The following ASIC3 variants were observed in gnomAD, a reference collection of about 807,000 sequenced individuals.
ASIC3 encodes acid-sensing ion channel 3.
Under a neutral mutation model 58.6 loss-of-function variants are expected in ASIC3, and 46 were observed. The observed-to-expected ratio is 0.79, with a 90% CI of 0.62 to 1.00. ASIC3 has a LOEUF of 1.00. Ranked by LOEUF, ASIC3 falls within the 50% of genes least tolerant of loss-of-function variation. The pLI, the probability that ASIC3 is intolerant of heterozygous loss-of-function variation, is 0.00. For missense variants in ASIC3, 770 were observed against 735.0 expected (o/e 1.05, Z -0.55); for synonymous variants, 336 against 300.2 (o/e 1.12, Z -1.23).
Position 151,049,158 on chromosome 7 carries a change from G to T in ASIC3, c.273G>T (p.Leu91=). The change falls in exon 1 of 11, where the codon CTG becomes CTT. Residue 91 remains leucine (L), a synonymous_variant. Transcript: ENST00000349064. ...SHRLIFPAVT[L]CNINPLRRSR... ...GGCTCATCTTCCCGGCTGTCACCCT[G>T]TGCAACATCAACCCACTGCGCCGCT... is the stretch of plus-strand genomic sequence containing the variant. 1 of 1,613,848 alleles carries T rather than the reference G, an allele frequency of 6.2e-7. No individual in the cohort carries two copies.
Position 151,050,915 on chromosome 7 carries a change from T to C in ASIC3, c.971T>C (p.Val324Ala). The change falls in exon 4 of 11, where the codon GTG (valine) becomes GCG (alanine). Residue 324 changes from valine to alanine, a missense_variant. Val to Ala is a moderately conservative substitution (Grantham distance 64). Transcript: ENST00000349064. The part of the protein sequence containing the change: ...GCRLACETRY[V>A]ARKCGCRMVY... Reference sequence around the variant, plus strand: ...CGCCTGGCCTGCGAAACCCGCTACGTGGCTCGGAAGTGCGGCTGCCGAATG... The same window carrying C: ...CGCCTGGCCTGCGAAACCCGCTACGCGGCTCGGAAGTGCGGCTGCCGAATG... 6.2e-7 allele frequency: 1 copy of C among 1,613,484 alleles called. No individual in the cohort carries two copies. Among genetic ancestry groups the C allele is most frequent in the Non-Finnish European group, 8.5e-7 (1 of 1,180,000 alleles).
intron 6 of ASIC3, 93 bp from the exon 7 acceptor site, chr7:151,051,717 C>A: frequency 7.4e-7 from 1 of 1,348,212 alleles, no homozygotes; most frequent in Non-Finnish European, 1.0e-6. Flanking sequence ...TCCCAGGGTT[C>A]TTGAAAGGAG....
At chr7:151,051,958 T>C (rs1796793251) in intron 7 of ASIC3, 25 bp from the exon 8 acceptor site, 1 of 1,611,914 alleles carries the variant, frequency 6.2e-7, no homozygotes, top group Non-Finnish European at 8.5e-7. Context: ...TGGCTGTAAG[T>C]TGAAGGGTGA....
At chr7:151,050,982 C>T (rs924044969) in intron 4 of ASIC3, 29 bp downstream of exon 4, 12 of 1,613,116 alleles carry the variant, frequency 7.4e-6, no homozygotes, top group Non-Finnish European at 9.3e-6. Context: ...CGTCCCATGG[C>T]GGGCAGGGCC....
In ASIC3 at chr7:151,049,082, A is replaced by G. The variant is rs1423047995; in HGVS notation, c.197A>G (p.Tyr66Cys). The change falls in exon 1 of 11, where the codon TAC becomes TGC. Residue 66 changes from tyrosine to cysteine, a missense_variant. Tyr to Cys is a radical substitution (Grantham distance 194). Coordinates refer to ENST00000349064, the MANE Select transcript of ASIC3 (RefSeq NM_004769.4). ...TACCAGGTGGCTGAGAGGGTGCGCT[A>G]CTACAGGGAGTTCCACCACCAGACT... Reference protein sequence around the residue: ...FLYQVAERVRYYREFHHQTAL... With the variant: ...FLYQVAERVRCYREFHHQTAL... 1.9e-6 allele frequency: 3 copies of G among 1,613,862 alleles called. No individual in the cohort carries two copies. Among genetic ancestry groups the G allele is most frequent in the South Asian group, 1.1e-5 (1 of 91,088 alleles).
At position 151,052,283 on chromosome 7, in the gene ASIC3, G is replaced by T. The variant is rs1228279193; in HGVS notation, c.1458+46G>T. ...GCCCTTGCCTGCTCCAAGGGTGCTAGGGCCCACCCCTGAAGCCTAGACCAC... is the reference window on the plus strand; with the variant it reads ...GCCCTTGCCTGCTCCAAGGGTGCTATGGCCCACCCCTGAAGCCTAGACCAC... On this transcript the variant is annotated intron_variant, in intron 9 of 10. Coordinates refer to ENST00000349064, the MANE Select transcript of ASIC3 (RefSeq NM_004769.4). This position sits in a 1 kb window ranked among gnomAD's most constrained non-coding sequence, Gnocchi z 5.0. The T allele has an allele frequency of 8.7e-6, 14 of 1,613,500 alleles. No homozygotes were observed. The Admixed American group carries it at 2.3e-4, about 27-fold the overall frequency.
In ASIC3 at chr7:151,049,081, T is replaced by C; in HGVS notation, c.196T>C (p.Tyr66His). 1 of 1,613,858 alleles carries C rather than the reference T, an allele frequency of 6.2e-7. No homozygotes were observed. The highest frequency in any genetic ancestry group is 8.5e-7 in the Non-Finnish European group (1 of 1,179,916). ...CTACCAGGTGGCTGAGAGGGTGCGC[T>C]ACTACAGGGAGTTCCACCACCAGAC... ...FLYQVAERVR[Y>H]YREFHHQTAL... The change falls in exon 1 of 11, where the codon TAC becomes CAC. Residue 66 changes from tyrosine to histidine, a missense_variant. Physicochemically the swap from Tyr to His is moderately conservative, Grantham distance 83. Coordinates refer to ENST00000349064, the MANE Select transcript of ASIC3 (RefSeq NM_004769.4).
rs762486363 is a variant in ASIC3 at position 151,050,272 on chromosome 7, A to G, written c.685+16A>G. 2.4e-5 allele frequency: 39 copies of G among 1,606,650 alleles called. No homozygotes were observed. The highest frequency in any genetic ancestry group is 3.3e-5 in the Admixed American group (2 of 59,854). On this transcript the variant is annotated intron_variant, in intron 2 of 10. Transcript: ENST00000349064. Reference sequence around the variant, plus strand: ...AGGGACAATGGTAGGGAGCACACAAATGAGGCTGGGGGAGGGCACGGATGG... The same window carrying G: ...AGGGACAATGGTAGGGAGCACACAAGTGAGGCTGGGGGAGGGCACGGATGG...
chr7:151,049,440 A>G (rs746978622), intron 1 of ASIC3, 21 bp downstream of exon 1: 8 of 1,552,530 alleles, frequency 5.2e-6, no homozygotes, highest in Non-Finnish European at 5.2e-6. Flanking sequence ...CTCCCTACCT[A>G]TCCTGCCAGG....
Position 151,051,317 on chromosome 7 carries a change from C to G in ASIC3, c.1212C>G (p.Ile404Met). 2.0e-6 allele frequency: 3 copies of G among 1,501,136 alleles called. No homozygotes were observed. Among genetic ancestry groups the G allele is most frequent in the Non-Finnish European group, 2.6e-6 (3 of 1,135,474 alleles). 93.0% of individuals were successfully genotyped at this position (1,501,136 alleles called of 1,614,324 possible). The part of the protein sequence containing the change: ...ARKLNRSEAY[I>M]AENVLALDIF... ...AGCTCAACCGCAGCGAGGCCTACAT[C>G]GCGTGAGCTGCGCGGGGCGGGCGGG... The change falls in exon 6 of 11, where the codon ATC becomes ATG. Residue 404 changes from isoleucine (I) to methionine (M), a missense_variant and splice_region_variant. Transcript: ENST00000349064.
chr7:151,048,528 A>C, upstream of ASIC3: 1 of 241,122 alleles, frequency 4.1e-6, no homozygotes, highest in Non-Finnish European at 7.9e-6. Context: ...CTGAAACCCA[A>C]TCCTCTGCAG....
intron 3 of ASIC3, 50 bp downstream of exon 3, chr7:151,050,658 C>T (rs376492437): frequency 7.4e-5 from 120 of 1,611,742 alleles, no homozygotes; most frequent in Middle Eastern, 3.3e-4. Flanking sequence ...CACACCACCT[C>T]AGACCCTAAA....
chr7:151,052,728 C>T lies in ASIC3; in HGVS notation c.*76C>T, dbSNP rs767695870. ...AGCCTGCACGTAGCTTTTCCGTCTT[C>T]ACCCCAAATAAAGTCCTAATGCATC... On this transcript the variant is annotated 3_prime_UTR_variant, in exon 11 of 11. Transcript: ENST00000349064. This position sits in a 1 kb window ranked among gnomAD's most constrained non-coding sequence, Gnocchi z 5.0. 1.2e-6 allele frequency: 2 copies of T among 1,614,058 alleles called. No individual in the cohort carries two copies. Among genetic ancestry groups the T allele is most frequent in the East Asian group, 4.5e-5 (2 of 44,886 alleles).
In ASIC3 at chr7:151,049,421, T is replaced by C. The variant is rs778553914; in HGVS notation, c.534+2T>C. 2 of 1,574,156 alleles carry C rather than the reference T, an allele frequency of 1.3e-6. No homozygotes were observed. The highest frequency in any genetic ancestry group is 2.3e-5 in the East Asian group (1 of 44,416). Reference sequence around the variant, plus strand: ...TGTGGGCCTGAGAACTTCACCACGGTGAGCTGACCTCCCTACCTATCCTGC... The same window carrying C: ...TGTGGGCCTGAGAACTTCACCACGGCGAGCTGACCTCCCTACCTATCCTGC... On this transcript the variant is annotated splice_donor_variant, in intron 1 of 10. Coordinates refer to ENST00000349064, the MANE Select transcript of ASIC3 (RefSeq NM_004769.4). LOFTEE classifies it high-confidence loss of function.
intron 5 of ASIC3, 36 bp downstream of exon 5, chr7:151,051,131 G>A (rs1291447040): frequency 6.2e-7 from 1 of 1,600,820 alleles, no homozygotes. Context: ...CGTCCGCCCC[G>A]CTCCGCCCGC....
rs1431399377 is a variant in ASIC3 at position 151,050,929 on chromosome 7, G to A, written c.985G>A (p.Gly329Ser). 5 of 1,613,354 alleles carry A rather than the reference G, an allele frequency of 3.1e-6. No individual in the cohort carries two copies. The highest frequency in any genetic ancestry group is 1.3e-5 in the African/African-American group (1 of 74,934). Residue 329 changes from glycine to serine, a missense_variant, in exon 4 of 11, where the codon GGC (glycine) becomes AGC (serine). Gly to Ser is a moderately conservative substitution (Grantham distance 56). Transcript: ENST00000349064. ...AACCCGCTACGTGGCTCGGAAGTGC[G>A]GCTGCCGAATGGTGTACATGCCAGG... is the stretch of plus-strand genomic sequence containing the variant. ...CETRYVARKC[G>S]CRMVYMPGDV...
In ASIC3 at chr7:151,052,412, A is replaced by C. The variant is rs1207940893; in HGVS notation, c.1459-4A>C. The C allele has an allele frequency of 2.5e-6, 4 of 1,613,854 alleles. No homozygotes were observed. The African/African-American group carries it at 5.3e-5, about 22-fold the overall frequency. On this transcript the variant is annotated splice_region_variant and splice_polypyrimidine_tract_variant and intron_variant, in intron 9 of 10. Transcript: ENST00000349064. The surrounding 1 kb of genome is among the most constrained non-coding windows in gnomAD (Gnocchi z 5.0). ...CCACCTCTGACCCTCTCGTCCTCAC[A>C]CAGCTTCAGGAAGGGCTGGGCAGCC... is the stretch of plus-strand genomic sequence containing the variant.
At chr7:151,050,378 G>A in intron 2 of ASIC3, 103 bp from the exon 3 acceptor site, 2 of 1,567,224 alleles carry the variant, frequency 1.3e-6, no homozygotes, top group South Asian at 2.4e-5. Context: ...GGCTGGGCTG[G>A]CTCATCCCAG....
In ASIC3 at chr7:151,052,532, G is replaced by T. The variant is rs1190189334; in HGVS notation, c.1518-42G>T. On this transcript the variant is annotated intron_variant, in intron 10 of 10. Coordinates refer to ENST00000349064, the MANE Select transcript of ASIC3 (RefSeq NM_004769.4). The surrounding 1 kb of genome is among the most constrained non-coding windows in gnomAD (Gnocchi z 5.0). ...GGGCAGGGGCAGGCTCAGGACAGTG[G>T]GTGTGCCCGTTCCCACCCCAGCACT... 1 of 1,613,628 alleles carries T rather than the reference G, an allele frequency of 6.2e-7. No individual in the cohort carries two copies. The highest frequency in any genetic ancestry group is 1.7e-5 in the Admixed American group (1 of 59,972).
Sources: allele counts gnomAD v4.1 joint callset, GRCh38; gene constraint gnomAD v4.1.1; non-coding constraint Gnocchi (gnomAD v3.1); transcripts MANE v1.5; gene names NCBI Gene and HGNC (gene_info 2026-07-23, HGNC 2026-07-21).